MAPK10: variants seen among roughly 807,000 people sequenced by gnomAD.
MAPK10 encodes JNK3 alpha protein kinase.
Under a neutral mutation model 59.3 loss-of-function variants are expected in MAPK10, and 25 were observed. That is an observed-to-expected ratio of 0.42 (90% CI 0.31 to 0.59). The LOEUF is 0.59. MAPK10 is among the 20% of genes least tolerant of loss of function. MAPK10 has a pLI of 0.15. For missense variants in MAPK10, 351 were observed against 568.9 expected (o/e 0.62, Z 3.90); for synonymous variants, 190 against 200.5 (o/e 0.95, Z 0.44).
chr4:86,558,593 T>C (rs1364403733), intron 1 of MAPK10, among the ~76,000 whole-genome samples: 1 of 152,184 alleles, frequency 6.6e-6, no homozygotes, highest in Non-Finnish European at 1.5e-5. Context: ...TTCCTATCAG[T>C]ATCAATGTTT....
At chr4:86,403,067 GAGTCAGA>G (rs1342563322) in intron 1 of MAPK10, among the ~76,000 whole-genome samples, 4 of 152,102 alleles carry the variant, frequency 2.6e-5, no homozygotes, top group Non-Finnish European at 1.5e-5. Flanking sequence ...GGTTAATGTT[GAGTCAGA>G]AGAAGAAAGG....
At chr4:86,168,515 G>A (rs1158973291) in intron 3 of MAPK10, among the ~76,000 whole-genome samples, 3 of 152,292 alleles carry the variant, frequency 2.0e-5, no homozygotes, top group South Asian at 4.1e-4. Flanking sequence ...GGGGAGAGGC[G>A]CCCGCCATTG....
intron 1 of MAPK10, among the ~76,000 whole-genome samples, chr4:86,499,974 C>T (rs921546591): frequency 6.6e-6 from 1 of 152,160 alleles, no homozygotes; most frequent in Non-Finnish European, 1.5e-5. Flanking sequence ...AAACTAAAAG[C>T]GCCTGAGTCA....
chr4:86,311,005 C>G (rs2095657090), intron 2 of MAPK10, among the ~76,000 whole-genome samples: 1 of 148,994 alleles, frequency 6.7e-6, no homozygotes, highest in Non-Finnish European at 1.5e-5. Flanking sequence ...CACCTGATCC[C>G]AAGCACTATA....
chr4:86,496,096 A>T (rs181517331), intron 1 of MAPK10, among the ~76,000 whole-genome samples: 1 of 152,232 alleles, frequency 6.6e-6, no homozygotes, highest in African/African-American at 2.4e-5. Context: ...TAAACACAAG[A>T]AAAGTTCAAA....
chr4:86,285,650 T>C (rs1298743281), intron 2 of MAPK10, among the ~76,000 whole-genome samples: 2 of 152,204 alleles, frequency 1.3e-5, no homozygotes, highest in African/African-American at 2.4e-5. Flanking sequence ...ATCTATATAG[T>C]TACCGTATTA....
chr4:86,083,498 C>A (rs548933597), intron 9 of MAPK10, among the ~76,000 whole-genome samples: 1 of 152,182 alleles, frequency 6.6e-6, no homozygotes, highest in East Asian at 1.9e-4. Context: ...TTAAACCAGC[C>A]CTGGCCAGAG....
intron 3 of MAPK10, among the ~76,000 whole-genome samples, chr4:86,166,465 A>AATT (rs113558410): frequency 0.26 from 39,240 of 151,410 alleles, 7,169 homozygotes; most frequent in African/African-American, 0.52. Flanking sequence ...CCATTATTAT[A>AATT]ATTATCATTA....
intron 1 of MAPK10, chr4:86,357,970 T>C (rs2148977496): frequency 2.1e-6 from 1 of 476,300 alleles, no homozygotes; most frequent in South Asian, 9.0e-5. Context: ...GATTTTCTAG[T>C]CCCATTGTAG....
intron 4 of MAPK10, among the ~76,000 whole-genome samples, chr4:86,150,599 C>T (rs1463450665): frequency 2.6e-5 from 4 of 152,172 alleles, no homozygotes; most frequent in East Asian, 1.9e-4. Context: ...CGGTGGCTCA[C>T]GCCTGTAATC....
chr4:86,375,777 A>G (rs772214162), intron 1 of MAPK10, among the ~76,000 whole-genome samples: 13 of 151,546 alleles, frequency 8.6e-5, no homozygotes, highest in Admixed American at 2.0e-4. Flanking sequence ...TCTAATAAAT[A>G]TAACAGTCAA....
intron 1 of MAPK10, among the ~76,000 whole-genome samples, chr4:86,557,451 T>C (rs1001365892): frequency 2.0e-5 from 3 of 152,050 alleles, no homozygotes; most frequent in Non-Finnish European, 4.4e-5. Flanking sequence ...CTAAGAAAAG[T>C]AGAACTCTAA....
At chr4:86,570,786 A>G (rs1761390110) in intron 1 of MAPK10, among the ~76,000 whole-genome samples, 1 of 152,180 alleles carries the variant, frequency 6.6e-6, no homozygotes, top group Non-Finnish European at 1.5e-5. Flanking sequence ...GGTGACATTT[A>G]GTCTGAAAAA....
At chr4:86,412,867 A>C (rs1745374318) in intron 1 of MAPK10, among the ~76,000 whole-genome samples, 1 of 152,128 alleles carries the variant, frequency 6.6e-6, no homozygotes, top group African/African-American at 2.4e-5. Flanking sequence ...AGCTTGGAGA[A>C]GTTTGTTATT....
At chr4:86,541,945 C>G (rs544586849) in intron 1 of MAPK10, among the ~76,000 whole-genome samples, 1 of 87,430 alleles carries the variant, frequency 1.1e-5, no homozygotes, top group Admixed American at 1.3e-4. Flanking sequence ...ATGAATACAC[C>G]GGCACACACA....
chr4:86,464,881 C>T (rs115838276), intron 1 of MAPK10, among the ~76,000 whole-genome samples: 1,905 of 152,118 alleles, frequency 0.013, 19 homozygotes, highest in South Asian at 0.035. Flanking sequence ...ACACCTCTTC[C>T]GGGACTTTTG....
At chr4:86,512,171 T>C (rs911965022) in intron 1 of MAPK10, among the ~76,000 whole-genome samples, 2 of 152,212 alleles carry the variant, frequency 1.3e-5, no homozygotes, top group Non-Finnish European at 2.9e-5. Flanking sequence ...TTTAAAGCAA[T>C]ACGGTAAAGC....
intron 4 of MAPK10, among the ~76,000 whole-genome samples, chr4:86,150,679 G>A (rs1469290221): frequency 1.3e-5 from 2 of 152,218 alleles, no homozygotes; most frequent in African/African-American, 2.4e-5. Flanking sequence ...GGCTAACACG[G>A]TGAAACCCCG....
At chr4:86,149,519 G>A (rs1328880575) in intron 4 of MAPK10, among the ~76,000 whole-genome samples, 2 of 152,048 alleles carry the variant, frequency 1.3e-5, no homozygotes, top group East Asian at 1.9e-4. Context: ...CACCCACCTC[G>A]GCCTGCCAAA....
Sources: allele counts gnomAD v4.1 joint callset (sites outside exome capture counted in the v4.1 genomes callset), GRCh38; gene constraint gnomAD v4.1.1; transcripts MANE v1.5; gene names NCBI Gene and HGNC (gene_info 2026-07-23, HGNC 2026-07-21).